Variants in CCDC57 observed in about 807,000 individuals in gnomAD.
The protein encoded by CCDC57 is coiled-coil domain containing 57, also known as coiled-coil domain-containing protein 57.
A neutral mutation model predicts 118.9 loss-of-function variants in CCDC57; 118 were observed. That is an observed-to-expected ratio of 0.99 (90% CI 0.86 to 1.16). The LOEUF (loss-of-function observed/expected upper bound fraction) is 1.16, where lower values mean the gene tolerates loss of function less well. CCDC57 is among the 50% of genes most tolerant of loss of function. The pLI, the probability that CCDC57 is intolerant of heterozygous loss-of-function variation, is 0.00. For missense variants in CCDC57, 1,300 were observed against 1,320.7 expected, an observed-to-expected ratio of 0.98 and a Z score of 0.24; for synonymous variants, 527 against 532.9, an observed-to-expected ratio of 0.99 and a Z score of 0.15.
intron 11 of CCDC57, among the ~76,000 whole-genome samples, chr17:82,177,769 G>T (rs1312525903): frequency 6.6e-6 from 1 of 152,164 alleles, no homozygotes; most frequent in Non-Finnish European, 1.5e-5. Context: ...TCTTGTTGGG[G>T]TGGGGGTGCT....
intron 5 of CCDC57, 123 bp from the exon 5 acceptor site, chr17:82,194,262 G>C: frequency 2.0e-6 from 2 of 994,664 alleles, no homozygotes; most frequent in Non-Finnish European, 1.5e-6. Flanking sequence ...TCAAGAAGCA[G>C]TAAAACAGTG....
intron 17 of CCDC57, among the ~76,000 whole-genome samples, chr17:82,133,841 C>T (rs6502064): frequency 0.47 from 70,657 of 151,516 alleles, 17,230 homozygotes; most frequent in East Asian, 0.88. Context: ...GCCTGGGCAA[C>T]AGAGCAAGAC....
intron 16 of CCDC57, among the ~76,000 whole-genome samples, chr17:82,137,706 G>A (rs1027781274): frequency 2.1e-5 from 3 of 146,172 alleles, no homozygotes; most frequent in Non-Finnish European, 3.0e-5. Flanking sequence ...ATGGAGTCTC[G>A]CTGTGTCGCC....
chr17:82,190,340 G>C (rs1459061314), intron 7 of CCDC57, among the ~76,000 whole-genome samples: 1 of 152,200 alleles, frequency 6.6e-6, no homozygotes, highest in African/African-American at 2.4e-5. Flanking sequence ...AGTGATGCTG[G>C]AAGTGAGCAG....
At chr17:82,174,267 G>A (rs988420594) in intron 11 of CCDC57, among the ~76,000 whole-genome samples, 2 of 152,264 alleles carry the variant, frequency 1.3e-5, no homozygotes, top group African/African-American at 4.8e-5. Flanking sequence ...TGGGCTCCCA[G>A]GAGGAGAGCT....
At chr17:82,199,371 G>A (rs1018539282) in intron 3 of CCDC57, among the ~76,000 whole-genome samples, 2 of 151,324 alleles carry the variant, frequency 1.3e-5, no homozygotes, top group Non-Finnish European at 2.9e-5. Flanking sequence ...ACAGCTCCTC[G>A]GGAGGCTGAG....
At chr17:82,181,268 G>A (rs1357462857) in intron 9 of CCDC57, among the ~76,000 whole-genome samples, 2 of 152,244 alleles carry the variant, frequency 1.3e-5, no homozygotes, top group African/African-American at 4.8e-5. Flanking sequence ...CCAGCACGGG[G>A]CTCCACGTGC....
chr17:82,119,000 C>T lies in CCDC57; in HGVS notation c.2899+8692G>A, dbSNP rs1405657636. Among the ~76,000 whole-genome samples, 7 of 150,638 alleles carry T rather than the reference C, an allele frequency of 4.6e-5. No homozygotes were observed. ...GAGATCAGAGTAAGCTGTGTTCCCA[C>T]CCTGCCAATTGCTGAATGGTTCTTT... On this transcript the variant is annotated intron_variant, in intron 19 of 19. Coordinates refer to ENST00000665763, the Ensembl canonical transcript of CCDC57. This position sits in a 1 kb window ranked among gnomAD's most constrained non-coding sequence, Gnocchi z 4.7.
chr17:82,170,712 C>G (rs371627083), intron 13 of CCDC57, among the ~76,000 whole-genome samples: 3 of 152,082 alleles, frequency 2.0e-5, no homozygotes, highest in African/African-American at 7.2e-5. Context: ...AAAATAAAAC[C>G]GTTGTTTAAG....
At chr17:82,153,269 G>A (rs910895394) in intron 15 of CCDC57, among the ~76,000 whole-genome samples, 9 of 152,166 alleles carry the variant, frequency 5.9e-5, no homozygotes, top group South Asian at 2.1e-4. Flanking sequence ...TCGCAAGTCC[G>A]GTTCTAAAAC....
exon 10 of CCDC57, chr17:82,179,040 A>T: frequency 6.2e-7 from 1 of 1,613,604 alleles, no homozygotes; most frequent in Non-Finnish European, 8.5e-7. Context: ...ACTTTTTGCC[A>T]TGCTCAGACC....
At chr17:82,116,410 A>C (rs1484245391) in intron 19 of CCDC57, among the ~76,000 whole-genome samples, 4 of 151,942 alleles carry the variant, frequency 2.6e-5, no homozygotes, top group African/African-American at 9.7e-5. Context: ...GGGGCGGCCC[A>C]CTGAGCCCTG....
At chr17:82,117,573 G>A (rs1438750944) in intron 19 of CCDC57, among the ~76,000 whole-genome samples, 1 of 152,160 alleles carries the variant, frequency 6.6e-6, no homozygotes, top group African/African-American at 2.4e-5. Flanking sequence ...GGGAGGTTGA[G>A]AAGCCTGGGA....
chr17:82,159,745 C>T (rs1222793695), intron 14 of CCDC57, among the ~76,000 whole-genome samples: 1 of 151,046 alleles, frequency 6.6e-6, no homozygotes, highest in Non-Finnish European at 1.5e-5. Context: ...GATCTCAGCT[C>T]ACTGCAACCT....
intron 2 of CCDC57, among the ~76,000 whole-genome samples, chr17:82,206,261 C>A (rs74523455): frequency 1.3e-5 from 2 of 152,234 alleles, no homozygotes; most frequent in African/African-American, 2.4e-5. Flanking sequence ...GCTGAGCTAA[C>A]GGTGATGTTG....
At position 82,184,031 on chromosome 17, in the gene CCDC57, GCACACACA is replaced by G. The variant is rs71166198; in HGVS notation, c.1053-107_1053-100del. On this transcript the variant is annotated intron_variant, in intron 8 of 19. Transcript: ENST00000665763. Reference sequence around the variant, plus strand: ...CAAATACACATGCGCGCGCGCGCGCGCACACACACACACACACACACACACACACACAC... The same window carrying G: ...CAAATACACATGCGCGCGCGCGCGCGCACACACACACACACACACACACAC... The G allele has an allele frequency of 6.3e-3, 835 of 131,628 alleles. 5 individuals carry two copies. The highest frequency in any genetic ancestry group is 0.014 in the African/African-American group (339 of 23,686). 8.2% of individuals were successfully genotyped at this position (131,628 alleles called of 1,614,324 possible).
intron 16 of CCDC57, among the ~76,000 whole-genome samples, chr17:82,144,447 G>C (rs2040444025): frequency 6.6e-6 from 1 of 152,190 alleles, no homozygotes; most frequent in Admixed American, 6.5e-5. Context: ...ACAAAGCAAA[G>C]GGCAGAGATC....
intron 16 of CCDC57, among the ~76,000 whole-genome samples, chr17:82,140,969 G>A (rs961253122): frequency 1.7e-5 from 2 of 118,412 alleles, no homozygotes; most frequent in Non-Finnish European, 3.6e-5. Flanking sequence ...GCAAGCAAGA[G>A]GCTTTTATTT....
intron 19 of CCDC57, chr17:82,113,544 C>T: frequency 1.4e-6 from 1 of 717,594 alleles, no homozygotes; most frequent in Non-Finnish European, 2.6e-6. Context: ...TTTTTGCACA[C>T]TGAGGAGCTG....
Sources: gnomAD v4.1 joint callset for allele counts (sites outside exome capture counted in the v4.1 genomes callset) on GRCh38, gnomAD v4.1.1 for gene constraint, Gnocchi (gnomAD v3.1) non-coding constraint, MANE v1.5 for transcripts, NCBI Gene and HGNC (gene_info 2026-07-23, HGNC 2026-07-21) for gene names.